The following LDAH variants were observed in gnomAD, a reference collection of about 807,000 sequenced individuals.
LDAH encodes lipid droplet associated hydrolase, also known as lipid droplet-associated hydrolase.
A neutral mutation model predicts 29.6 loss-of-function variants in LDAH; 26 were observed. The observed-to-expected ratio is 0.88, with a 90% CI of 0.64 to 1.22. The LOEUF (loss-of-function observed/expected upper bound fraction) is 1.22, where lower values mean the gene tolerates loss of function less well. Among genes scored for constraint, LDAH ranks in the 50% most tolerant of loss-of-function variants. LDAH has a pLI of 0.00. For synonymous variants in LDAH, 117 were observed against 133.0 expected (o/e 0.88, Z 0.83); for missense variants, 344 against 387.3 (o/e 0.89, Z 0.94).
chr2:20,772,378 C>T (rs1669492127), intron 4 of LDAH, among the ~76,000 whole-genome samples: 1 of 152,220 alleles, frequency 6.6e-6, no homozygotes, highest in Non-Finnish European at 1.5e-5. Flanking sequence ...CAAATAACTA[C>T]ATTTCATGTC....
rs12476977 is a variant in LDAH at position 20,767,096 on chromosome 2, G to C, written c.468+7714C>G. On this transcript the variant is annotated intron_variant, in intron 4 of 6. Coordinates refer to ENST00000237822, the MANE Select transcript of LDAH (RefSeq NM_021925.4). The stretch of plus-strand genomic sequence containing the variant: ...GCTGCCCCTGAATGCCAGGGCCACT[G>C]GGGGAGCTCATGGAGATGTTGCCCC... Among the ~76,000 whole-genome samples, 440 of 152,346 alleles carry C rather than the reference G, an allele frequency of 2.9e-3. 6 individuals carry two copies. The highest frequency in any genetic ancestry group is 0.025 in the Admixed American group (382 of 15,310).
rs377510898 is a variant in LDAH at position 20,724,840 on chromosome 2, G to A, written c.703+15131C>T. On this transcript the variant is annotated intron_variant, in intron 5 of 6. Coordinates refer to ENST00000237822, the MANE Select transcript of LDAH (RefSeq NM_021925.4). ...AGTTGTGCTGCTGTTTTGGTGGTAC[G>A]TAGCCTAGTACCACTAGTATGATTC... is the stretch of plus-strand genomic sequence containing the variant. 1.1e-4 allele frequency among the ~76,000 whole-genome samples: 16 copies of A among 152,336 alleles called. No individual in the cohort carries two copies. The East Asian group carries it at 2.1e-3, about 20-fold the overall frequency.
chr2:20,719,599 GA>G (rs544662827), intron 5 of LDAH, among the ~76,000 whole-genome samples: 126 of 152,162 alleles, frequency 8.3e-4, no homozygotes, highest in Non-Finnish European at 1.2e-3. Context: ...AAAAATTGAA[GA>G]GGAGGGAATA....
At chr2:20,719,155 A>C (rs948598340) in intron 5 of LDAH, among the ~76,000 whole-genome samples, 1 of 151,152 alleles carries the variant, frequency 6.6e-6, no homozygotes, top group African/African-American at 2.4e-5. Context: ...TAAAAAAAAT[A>C]ATAAAGATCA....
Position 20,685,829 on chromosome 2 carries a change from A to T in LDAH, c.*1074T>A. The T allele has an allele frequency of 2.9e-6, 2 of 682,694 alleles. No individual in the cohort carries two copies. The highest frequency in any genetic ancestry group is 4.3e-6 in the Non-Finnish European group (2 of 461,354). The allele number at this position is 682,694 out of a possible 1,614,324, so 42.3% of individuals were successfully genotyped here. On this transcript the variant is annotated 3_prime_UTR_variant, in exon 7 of 7. Transcript: ENST00000237822. ...TGTCTAGAGAAGGTGAATTCACATA[A>T]CTTAATGGCTGGGTTTGGTTCATTA...
intron 2 of LDAH, among the ~76,000 whole-genome samples, chr2:20,794,260 G>T (rs1015898619): frequency 6.6e-6 from 1 of 152,106 alleles, no homozygotes; most frequent in South Asian, 2.1e-4. Flanking sequence ...ACCTGCTCCC[G>T]TGATTCAATT....
At chr2:20,743,807 T>C (rs191033898) in intron 4 of LDAH, among the ~76,000 whole-genome samples, 1 of 151,558 alleles carries the variant, frequency 6.6e-6, no homozygotes, top group African/African-American at 2.4e-5. Context: ...CTTGTTTCTT[T>C]CTCTCGTTCT....
At chr2:20,770,597 G>A (rs1336100642) in intron 4 of LDAH, among the ~76,000 whole-genome samples, 1 of 151,704 alleles carries the variant, frequency 6.6e-6, no homozygotes, top group African/African-American at 2.4e-5. Context: ...CTACTTTTTT[G>A]CTTCTGTATT....
intron 5 of LDAH, among the ~76,000 whole-genome samples, chr2:20,709,316 C>A (rs1435047438): frequency 6.6e-6 from 1 of 151,728 alleles, no homozygotes; most frequent in African/African-American, 2.4e-5. Flanking sequence ...ATTTCCAAAT[C>A]CAAAAAAAAT....
intron 4 of LDAH, among the ~76,000 whole-genome samples, chr2:20,774,028 G>A (rs1669618115): frequency 6.6e-6 from 1 of 152,146 alleles, no homozygotes; most frequent in Admixed American, 6.5e-5. Flanking sequence ...TCTCTGGGAT[G>A]TCCTCAAAAC....
chr2:20,809,747 T>C (rs1672344100), intron 1 of LDAH, among the ~76,000 whole-genome samples: 1 of 152,202 alleles, frequency 6.6e-6, no homozygotes, highest in Admixed American at 6.5e-5. Flanking sequence ...AAGGGCTTTC[T>C]AGAAGAGTAA....
intron 4 of LDAH, among the ~76,000 whole-genome samples, chr2:20,767,000 C>T (rs375566344): frequency 1.6e-4 from 24 of 152,226 alleles, no homozygotes; most frequent in African/African-American, 4.8e-4. Flanking sequence ...GACGGCCAGA[C>T]CAGGGCCTGC....
intron 1 of LDAH, among the ~76,000 whole-genome samples, chr2:20,811,118 C>G (rs982783977): frequency 6.0e-4 from 91 of 151,524 alleles, no homozygotes; most frequent in African/African-American, 2.1e-3. Context: ...CCCGGGTTCA[C>G]GCCATTCTCC....
chr2:20,772,867 G>A (rs1669527070), intron 4 of LDAH, among the ~76,000 whole-genome samples: 1 of 152,304 alleles, frequency 6.6e-6, no homozygotes, highest in South Asian at 2.1e-4. Flanking sequence ...CCACAAGAGT[G>A]AGCCTGGATG....
At chr2:20,756,073 C>T (rs1354392555) in intron 4 of LDAH, among the ~76,000 whole-genome samples, 3 of 151,898 alleles carry the variant, frequency 2.0e-5, no homozygotes, top group Non-Finnish European at 2.9e-5. Flanking sequence ...ACTCTGTCAC[C>T]CAGGCTAGAG....
At chr2:20,720,937 G>T (rs1665604786) in intron 5 of LDAH, among the ~76,000 whole-genome samples, 1 of 152,100 alleles carries the variant, frequency 6.6e-6, no homozygotes, top group African/African-American at 2.4e-5. Context: ...ATATGCAGAA[G>T]AATGAAGCTA....
chr2:20,750,023 CTTTTTTTT>C (rs147397062), intron 4 of LDAH, among the ~76,000 whole-genome samples: 10 of 127,094 alleles, frequency 7.9e-5, no homozygotes, highest in African/African-American at 2.9e-4. Flanking sequence ...CCTTACTAAA[CTTTTTTTT>C]TTTTTTTTTT....
At chr2:20,700,393 A>G (rs1335862685) in intron 6 of LDAH, among the ~76,000 whole-genome samples, 1 of 152,272 alleles carries the variant, frequency 6.6e-6, no homozygotes, top group Non-Finnish European at 1.5e-5. Flanking sequence ...TATTCTAAAA[A>G]AAAAATTTTA....
chr2:20,697,031 A>G (rs1037797083), intron 6 of LDAH, among the ~76,000 whole-genome samples: 1 of 152,094 alleles, frequency 6.6e-6, no homozygotes, highest in African/African-American at 2.4e-5. Context: ...CTTTAACTAC[A>G]GCCTCATCAC....
Sources: allele counts gnomAD v4.1 joint callset (sites outside exome capture counted in the v4.1 genomes callset), GRCh38; gene constraint gnomAD v4.1.1; transcripts MANE v1.5; gene names NCBI Gene and HGNC (gene_info 2026-07-23, HGNC 2026-07-21).